The following LOC400499 variants were observed in gnomAD, a reference collection of about 807,000 sequenced individuals.
the LOC400499 span, among the ~76,000 whole-genome samples, chr16:11,415,568 C>A: frequency 6.6e-6 from 1 of 152,220 alleles, no homozygotes; most frequent in Admixed American, 6.5e-5. Flanking sequence ...CCTCGTTCAA[C>A]ATTCAGCCAC....
the LOC400499 span, among the ~76,000 whole-genome samples, chr16:11,438,068 T>C: frequency 6.6e-6 from 1 of 151,974 alleles, no homozygotes; most frequent in Non-Finnish European, 1.5e-5. Context: ...TCTCTAAATC[T>C]CAGAGCCTCA....
chr16:11,476,012 G>A, the LOC400499 span, among the ~76,000 whole-genome samples: 83 of 152,300 alleles, frequency 5.4e-4, no homozygotes, highest in South Asian at 1.7e-3. Context: ...CTCTGCAGAG[G>A]TAACTTTTGA....
chr16:11,524,395 G>C, the LOC400499 span, among the ~76,000 whole-genome samples: 1 of 111,630 alleles, frequency 9.0e-6, no homozygotes, highest in Non-Finnish European at 1.7e-5. Context: ...ATCCATCCAA[G>C]TGACTTGCCC....
At chr16:11,450,752 C>T in the LOC400499 span, 2 of 1,536,046 alleles carry the variant, frequency 1.3e-6, no homozygotes, top group African/African-American at 2.7e-5. Context: ...TGGAACACAG[C>T]TCGGTGTGGC....
chr16:11,510,871 C>T, the LOC400499 span, among the ~76,000 whole-genome samples: 1 of 151,578 alleles, frequency 6.6e-6, no homozygotes, highest in Non-Finnish European at 1.5e-5. Context: ...CGCGGAACTT[C>T]AAGGAGGGAT....
the LOC400499 span, among the ~76,000 whole-genome samples, chr16:11,513,761 C>T: frequency 6.6e-6 from 1 of 152,076 alleles, no homozygotes; most frequent in South Asian, 2.1e-4. Flanking sequence ...ACTAATTTTA[C>T]CTTCCTAATG....
the LOC400499 span, chr16:11,514,667 A>G: frequency 2.5e-6 from 1 of 397,908 alleles, no homozygotes; most frequent in Non-Finnish European, 4.4e-6. Flanking sequence ...CCACTCAGCG[A>G]GGCTGGGGAG....
At chr16:11,407,440 G>A in the LOC400499 span, 1,899 of 396,010 alleles carry the variant, frequency 4.8e-3, 2 homozygotes, top group Non-Finnish European at 6.7e-3. Context: ...CGAGGGCTCT[G>A]CCTCCCAAAG....
At chr16:11,387,104 G>T in the LOC400499 span, 1 of 1,232,406 alleles carries the variant, frequency 8.1e-7, no homozygotes, top group Non-Finnish European at 1.0e-6. Context: ...CCCGGGGCAG[G>T]ACTCACATTC....
At chr16:11,379,419 T>C in the LOC400499 span, among the ~76,000 whole-genome samples, 45 of 152,382 alleles carry the variant, frequency 3.0e-4, no homozygotes, top group Non-Finnish European at 5.3e-4. Flanking sequence ...TTATCTCTTA[T>C]AACAGCTTTT....
At chr16:11,374,088 TTTAGTAA>T in the LOC400499 span, among the ~76,000 whole-genome samples, 1 of 152,326 alleles carries the variant, frequency 6.6e-6, no homozygotes, top group Middle Eastern at 3.4e-3. Context: ...AAACTACAAA[TTTAGTAA>T]TTAGTAATTT....
chr16:11,448,927 G>C, the LOC400499 span: 37 of 1,480,418 alleles, frequency 2.5e-5, no homozygotes, highest in Non-Finnish European at 3.1e-5. Flanking sequence ...ACCCACTCCA[G>C]GTGCCTGTAG....
chr16:11,382,786 G>GA, the LOC400499 span, among the ~76,000 whole-genome samples: 1 of 152,060 alleles, frequency 6.6e-6, no homozygotes, highest in Non-Finnish European at 1.5e-5. Flanking sequence ...CTCCAGCCTG[G>GA]GTGACAGAGT....
At chr16:11,382,361 CTGAAGCTCTT>C in the LOC400499 span, among the ~76,000 whole-genome samples, 1 of 152,218 alleles carries the variant, frequency 6.6e-6, no homozygotes, top group Non-Finnish European at 1.5e-5. Context: ...ATTCTGGCAT[CTGAAGCTCTT>C]GGAAGCCTAC....
At chr16:11,413,222 T>A in the LOC400499 span, among the ~76,000 whole-genome samples, 1 of 151,996 alleles carries the variant, frequency 6.6e-6, no homozygotes, top group Non-Finnish European at 1.5e-5. Flanking sequence ...CCGGGAGGGC[T>A]CCCTGTCACC....
chr16:11,426,569 T>C, the LOC400499 span, among the ~76,000 whole-genome samples: 2 of 152,180 alleles, frequency 1.3e-5, no homozygotes, highest in East Asian at 1.9e-4. Flanking sequence ...AGCATATTTA[T>C]TCAATATTAT....
At chr16:11,401,220 C>T in the LOC400499 span, 3 of 398,698 alleles carry the variant, frequency 7.5e-6, no homozygotes, top group African/African-American at 4.1e-5. Flanking sequence ...TCACGCGGCT[C>T]CCACCTCCAG....
chr16:11,490,671 A>C, the LOC400499 span, among the ~76,000 whole-genome samples: 3 of 152,256 alleles, frequency 2.0e-5, no homozygotes, highest in Non-Finnish European at 4.4e-5. Flanking sequence ...ACTGCACTCC[A>C]GGCTGGGTGA....
chr16:11,456,288 G>A, the LOC400499 span, among the ~76,000 whole-genome samples: 64,216 of 151,842 alleles, frequency 0.42, 14,229 homozygotes, highest in Non-Finnish European at 0.5. Context: ...CAAGTAATCC[G>A]CCCCCACACC....
Sources: allele counts gnomAD v4.1 joint callset (sites outside exome capture counted in the v4.1 genomes callset), GRCh38; gene constraint gnomAD v4.1.1; transcripts MANE v1.5.